Variants in ERO1B observed in about 807,000 individuals in gnomAD.
ERO1B encodes endoplasmic reticulum oxidoreductase 1 beta.
ERO1B carries 49 observed loss-of-function variants against 75.3 expected under a neutral mutation model. The ratio of observed to expected loss-of-function variants is 0.65; its 90% confidence interval spans 0.52 to 0.83. The LOEUF (loss-of-function observed/expected upper bound fraction) is 0.83. ERO1B is among the 40% of genes least tolerant of loss of function. The pLI, the probability that ERO1B is intolerant of heterozygous loss-of-function variation, is 0.00. For synonymous variants in ERO1B, 191 were observed against 192.9 expected (o/e 0.99, Z 0.08); for missense variants, 512 against 560.1 (o/e 0.91, Z 0.87).
intron 6 of ERO1B, among the ~76,000 whole-genome samples, chr1:236,239,393 C>T (rs767856507): frequency 6.6e-6 from 1 of 152,086 alleles, no homozygotes; most frequent in African/African-American, 2.4e-5. Flanking sequence ...TATAGTCAGT[C>T]TATAAAGCCT....
chr1:236,274,740 A>G (rs1665672095), intron 1 of ERO1B, among the ~76,000 whole-genome samples: 1 of 104,276 alleles, frequency 9.6e-6, no homozygotes, highest in East Asian at 2.4e-4. Context: ...ATATAAAATT[A>G]GAAGAAAAAA....
chr1:236,240,592 A>T (rs1235215078), intron 6 of ERO1B, among the ~76,000 whole-genome samples: 2 of 152,190 alleles, frequency 1.3e-5, no homozygotes, highest in East Asian at 3.8e-4. Context: ...TAATGAACAT[A>T]TTTTAAGGGA....
rs145864410 is a variant in ERO1B, at chr1:236,233,442, C to T, written c.674-603G>A. 9.6e-4 allele frequency among the ~76,000 whole-genome samples: 143 copies of T among 149,584 alleles called. 1 individual carries two copies. The highest frequency in any genetic ancestry group is 4.1e-3 in the Admixed American group (61 of 15,040). ...TGAAACCCCATCTCTACTAAAAATA[C>T]AAAAAATTAGCCAGGCGTGGTGACC... On this transcript the variant is annotated intron_variant, in intron 8 of 15. Transcript: ENST00000354619.
chr1:236,249,083 C>T (rs1726644), intron 5 of ERO1B, among the ~76,000 whole-genome samples: 37,100 of 148,218 alleles, frequency 0.25, 4,777 homozygotes, highest in East Asian at 0.39. Flanking sequence ...TAGAGTGCAA[C>T]GGTGTGATCT....
intron 4 of ERO1B, chr1:236,251,502 GA>G (rs1665029417): frequency 1.0e-6 from 1 of 974,718 alleles, no homozygotes. Flanking sequence ...AAACGCAAAG[GA>G]GGCACAAGAA....
intron 5 of ERO1B, 87 bp downstream of exon 5, chr1:236,249,798 G>T: frequency 2.0e-6 from 2 of 987,082 alleles, no homozygotes; most frequent in Non-Finnish European, 3.0e-6. Flanking sequence ...ACTTTAATGG[G>T]TTCGAAAATG....
Position 236,240,795 on chromosome 1 carries a change from G to A in ERO1B, c.505+2627C>T, listed in dbSNP as rs183843917. 6.3e-3 allele frequency among the ~76,000 whole-genome samples: 950 copies of A among 150,468 alleles called. 8 individuals carry two copies. The highest frequency in any genetic ancestry group is 0.022 in the African/African-American group (909 of 41,214). On this transcript the variant is annotated intron_variant, in intron 6 of 15. Transcript: ENST00000354619. ...AGCTGGGGAAGACTGACAAGAAACC[G>A]ATACACTCAATAATATGCCATATAC... is the stretch of plus-strand genomic sequence containing the variant.
At chr1:236,219,675 C>A (rs759426051) in intron 15 of ERO1B, among the ~76,000 whole-genome samples, 1 of 152,024 alleles carries the variant, frequency 6.6e-6, no homozygotes, top group Non-Finnish European at 1.5e-5. Context: ...AAATCTCAAC[C>A]TACATAGTCA....
At position 236,236,427 on chromosome 1, in the gene ERO1B, T is replaced by C. The variant is rs759924659; in HGVS notation, c.506-29A>G. 3.1e-6 allele frequency: 5 copies of C among 1,610,436 alleles called. No homozygotes were observed. In the South Asian group the frequency reaches 4.4e-5, roughly 14 times the overall value. Reference sequence around the variant, plus strand: ...AACAAGAAAAAATTCATAAAAACCATCCATATTTCACCATTTATCTAAGAT... The same window carrying C: ...AACAAGAAAAAATTCATAAAAACCACCCATATTTCACCATTTATCTAAGAT... On this transcript the variant is annotated intron_variant, in intron 6 of 15. Transcript: ENST00000354619.
intron 5 of ERO1B, among the ~76,000 whole-genome samples, chr1:236,247,125 C>T (rs1310182966): frequency 6.6e-6 from 1 of 152,108 alleles, no homozygotes; most frequent in Non-Finnish European, 1.5e-5. Context: ...CCTCTATTTA[C>T]ACTCTCTCCT....
intron 13 of ERO1B, among the ~76,000 whole-genome samples, chr1:236,223,949 G>A (rs1470946226): frequency 6.6e-6 from 1 of 152,170 alleles, no homozygotes; most frequent in Non-Finnish European, 1.5e-5. Flanking sequence ...GAATCACTCA[G>A]TATTGATTTA....
intron 12 of ERO1B, among the ~76,000 whole-genome samples, 164 bp downstream of exon 12, chr1:236,226,105 T>C (rs774960936): frequency 2.6e-5 from 4 of 152,232 alleles, no homozygotes; most frequent in Non-Finnish European, 5.9e-5. Flanking sequence ...TTCATCAACA[T>C]TTTCAGAAAT....
Position 236,218,326 on chromosome 1 carries a change from CTTCA to C in ERO1B, c.*186_*189del, listed in dbSNP as rs1353640419. ...AACTTACATGTTTTAAAAGTATATA[CTTCA>C]TTTATAAATATCTCTAGTTGATAAT... is the stretch of plus-strand genomic sequence containing the variant. On this transcript the variant is annotated 3_prime_UTR_variant, in exon 16 of 16. Coordinates refer to ENST00000354619, the MANE Select transcript of ERO1B (RefSeq NM_019891.4). 2.3e-5 allele frequency: 8 copies of C among 350,250 alleles called. No individual in the cohort carries two copies. The highest frequency in any genetic ancestry group is 2.2e-5 in the African/African-American group (1 of 46,510). The allele number at this position is 350,250 out of a possible 1,614,324, so 21.7% of individuals were successfully genotyped here.
At chr1:236,267,763 A>C (rs1400951082) in intron 2 of ERO1B, 2 of 151,598 alleles carry the variant, frequency 1.3e-5, no homozygotes, top group Non-Finnish European at 3.0e-5. Context: ...AAATTTAAAG[A>C]AGCACCTGTC....
intron 2 of ERO1B, among the ~76,000 whole-genome samples, chr1:236,254,056 C>T (rs893003357): frequency 6.6e-6 from 1 of 152,104 alleles, no homozygotes; most frequent in South Asian, 2.1e-4. Context: ...AATAAAAAGC[C>T]TGGGCAGTTG....
In ERO1B at chr1:236,281,681, C is replaced by T. The variant is rs767136703; in HGVS notation, c.102+1G>A. On this transcript the variant is annotated splice_donor_variant, in intron 1 of 15. Transcript: ENST00000354619. LOFTEE classifies it high-confidence loss of function. ...CCCGGCCCGCTATCACTCGGGCTTA[C>T]CTGCGCCTCGACGACGCTCCGCAGG... The T allele has an allele frequency of 1.0e-5, 15 of 1,475,910 alleles. No homozygotes were observed. The highest frequency in any genetic ancestry group is 1.3e-5 in the Non-Finnish European group (15 of 1,111,424). 91.4% of individuals were successfully genotyped at this position (1,475,910 alleles called of 1,614,324 possible).
At chr1:236,242,555 T>C (rs912038425) in intron 6 of ERO1B, among the ~76,000 whole-genome samples, 5 of 152,128 alleles carry the variant, frequency 3.3e-5, no homozygotes, top group African/African-American at 1.2e-4. Context: ...TCACTCTAAC[T>C]TACTCCACTA....
In ERO1B at chr1:236,218,344, C is replaced by G. The variant is rs1664049114; in HGVS notation, c.*172G>C. 1 of 410,654 alleles carries G rather than the reference C, an allele frequency of 2.4e-6. No individual in the cohort carries two copies. The highest frequency in any genetic ancestry group is 2.1e-5 in the African/African-American group (1 of 47,626). 25.4% of individuals were successfully genotyped at this position (410,654 alleles called of 1,614,324 possible). Reference sequence around the variant, plus strand: ...GTATATACTTCATTTATAAATATCTCTAGTTGATAATAATCTATTAAGAAT... The same window carrying G: ...GTATATACTTCATTTATAAATATCTGTAGTTGATAATAATCTATTAAGAAT... On this transcript the variant is annotated 3_prime_UTR_variant, in exon 16 of 16. Coordinates refer to ENST00000354619, the MANE Select transcript of ERO1B (RefSeq NM_019891.4).
chr1:236,263,844 A>T (rs1665352050), intron 2 of ERO1B, among the ~76,000 whole-genome samples: 1 of 123,076 alleles, frequency 8.1e-6, no homozygotes, highest in South Asian at 2.5e-4. Context: ...GGCTTGTCTC[A>T]ACCTCCTGGG....
Sources: gnomAD v4.1 joint callset for allele counts (sites outside exome capture counted in the v4.1 genomes callset) on GRCh38, gnomAD v4.1.1 for gene constraint, MANE v1.5 for transcripts, NCBI Gene and HGNC (gene_info 2026-07-23, HGNC 2026-07-21) for gene names.